AP3B2: variants seen among roughly 807,000 people sequenced by gnomAD.
The protein encoded by AP3B2 is AP-3 complex subunit beta-2.
Under a neutral mutation model 126.9 loss-of-function variants are expected in AP3B2, and 50 were observed. The ratio of observed to expected loss-of-function variants is 0.39; its 90% CI spans 0.31 to 0.50. The LOEUF is 0.50. Ranked by LOEUF, AP3B2 falls within the 20% of genes least tolerant of loss-of-function variation. The pLI is 0.79. For synonymous variants in AP3B2, 541 were observed against 565.0 expected (o/e 0.96, Z 0.60); for missense variants, 1,177 against 1,426.4 (o/e 0.83, Z 2.82).
In AP3B2 at chr15:82,659,676, C is replaced by T. The variant is rs959640052; in HGVS notation, c.3190G>A (p.Val1064Ile). ...GGCCGGGCATCCAGGGTCAGCAGAA[C>T]GAGGCTTCCACCAGTCAGTGTCCTC... is the stretch of plus-strand genomic sequence containing the variant. ...AGRTLTGGSL[V>I]LLTLDARPAG... Residue 1064 changes from valine to isoleucine, a missense_variant, in exon 27 of 27, where the codon GTT becomes ATT. Val to Ile is a conservative substitution (Grantham distance 29). Coordinates refer to ENST00000535359, the MANE Select transcript of AP3B2 (RefSeq NM_001278512.2). The T allele has an allele frequency of 7.4e-6, 12 of 1,613,754 alleles. No individual in the cohort carries two copies. Among genetic ancestry groups the T allele is most frequent in the South Asian group, 4.4e-5 (4 of 91,068 alleles).
At chr15:82,692,262 C>A (rs1156971107) in intron 1 of AP3B2, 4 of 840,192 alleles carry the variant, frequency 4.8e-6, no homozygotes, top group Non-Finnish European at 7.4e-6. Context: ...CTTGATCTTG[C>A]GGATCCGGCC....
Position 82,676,603 on chromosome 15 carries a change from A to G in AP3B2, c.1523T>C (p.Ile508Thr), listed in dbSNP as rs781108146. 43 of 1,614,008 alleles carry G rather than the reference A, an allele frequency of 2.7e-5. No individual in the cohort carries two copies. Among genetic ancestry groups the G allele is most frequent in the Non-Finnish European group, 3.6e-5 (43 of 1,179,888 alleles). ...PMARASILWL[I>T]GEYCEHVPRI... The stretch of plus-strand genomic sequence containing the variant: ...GGGGACATGCTCACAGTACTCTCCG[A>G]TGAGCCACAGGATGCTGGCTCGGGC... The change falls in exon 14 of 27, where the codon ATC becomes ACC. Residue 508 changes from isoleucine (I) to threonine (T), a missense_variant. Around this residue, in one of 5 missense-constraint regions of AP3B2, gnomAD observed 308 missense variants for 452.4 expected, o/e 0.68. Transcript: ENST00000535359.
rs1242806244 is a variant in AP3B2, at chr15:82,678,085, G to C, written c.1245+20C>G. The C allele has an allele frequency of 1.9e-6, 3 of 1,612,912 alleles. No individual in the cohort carries two copies. In the African/African-American group the frequency reaches 4.0e-5, roughly 22 times the overall value. On this transcript the variant is annotated intron_variant, in intron 11 of 26. Transcript: ENST00000535359. Reference sequence around the variant, plus strand: ...ATGGGCCCCTCTCCCAGGCCCTTCTGGCTGGGAGCTGGCCTGTACCTGGAA... The same window carrying C: ...ATGGGCCCCTCTCCCAGGCCCTTCTCGCTGGGAGCTGGCCTGTACCTGGAA...
intron 1 of AP3B2, among the ~76,000 whole-genome samples, chr15:82,706,319 A>G (rs1440953601): frequency 6.6e-6 from 1 of 152,216 alleles, no homozygotes; most frequent in Non-Finnish European, 1.5e-5. Context: ...ACTATGTGTC[A>G]ATATTTATAC....
rs2151428348 is a variant in AP3B2 at position 82,663,587 on chromosome 15, C to T, written c.2470G>A (p.Glu824Lys). The T allele has an allele frequency of 1.2e-6, 2 of 1,613,874 alleles. No homozygotes were observed. The highest frequency in any genetic ancestry group is 2.2e-5 in the East Asian group (1 of 44,882). Residue 824 changes from glutamate to lysine, a missense_variant, in exon 21 of 27, where the codon GAG becomes AAG. This residue lies in a region of AP3B2 where 587 missense variants were observed against 571.3 expected (regional missense o/e 1.03). Transcript: ENST00000535359. The part of the protein sequence containing the change: ...PSSKSAPATK[E>K]ISLLDLEDFT... ...TCCTCTAGATCAAGCAGGGAGATCTCCTTGGTTGCAGGAGCACTTTTGCTG... is the reference window on the plus strand; with the variant it reads ...TCCTCTAGATCAAGCAGGGAGATCTTCTTGGTTGCAGGAGCACTTTTGCTG...
chr15:82,689,200 C>T lies in AP3B2; in HGVS notation c.222G>A (p.Leu74=), dbSNP rs1310547720. Residue 74 remains leucine, a synonymous_variant, in exon 3 of 27, where the codon CTG becomes CTA. Transcript: ENST00000535359. ...MIARGKNASD[L]FPAVVKNVAC... The stretch of plus-strand genomic sequence containing the variant: ...CCACGTTCTTCACCACCGCGGGAAA[C>T]AGGTCTGAAGCATTCTTTCCTCGGG... 3.1e-6 allele frequency: 5 copies of T among 1,613,958 alleles called. No homozygotes were observed. In the South Asian group the frequency reaches 5.5e-5, roughly 18 times the overall value.
At chr15:82,706,612 T>G (rs1242612805) in intron 1 of AP3B2, among the ~76,000 whole-genome samples, 2 of 152,094 alleles carry the variant, frequency 1.3e-5, no homozygotes, top group South Asian at 4.1e-4. Context: ...TTCTCATCAG[T>G]CACTCCTACC....
At chr15:82,692,054 A>G in intron 1 of AP3B2, 2 of 1,488,502 alleles carry the variant, frequency 1.3e-6, no homozygotes, top group Non-Finnish European at 1.9e-6. Context: ...AGAACTCGGA[A>G]ATCAGATCTT....
chr15:82,671,960 T>C (rs903162903), intron 14 of AP3B2, among the ~76,000 whole-genome samples: 6 of 149,214 alleles, frequency 4.0e-5, no homozygotes, highest in Non-Finnish European at 6.0e-5. Context: ...AGGAGAATCG[T>C]TTGAACCTGG....
intron 25 of AP3B2, 71 bp from the exon 26 acceptor site, chr15:82,660,054 T>C: frequency 1.3e-6 from 2 of 1,548,720 alleles, no homozygotes; most frequent in Non-Finnish European, 1.8e-6. Flanking sequence ...GTCTGCTTAC[T>C]GAGCAACAAG....
chr15:82,669,555 G>A (rs368376678), intron 14 of AP3B2, among the ~76,000 whole-genome samples: 1 of 152,018 alleles, frequency 6.6e-6, no homozygotes, highest in Non-Finnish European at 1.5e-5. Flanking sequence ...AGCTGGATGT[G>A]GTGATGCACA....
At chr15:82,663,672 G>A (rs1180846978) in intron 20 of AP3B2, 52 bp from the exon 21 acceptor site, 3 of 1,612,594 alleles carry the variant, frequency 1.9e-6, no homozygotes, top group East Asian at 2.2e-5. Flanking sequence ...ACCTTGGCAT[G>A]TTCTGGGTTG....
intron 14 of AP3B2, among the ~76,000 whole-genome samples, chr15:82,673,721 T>C (rs1291892120): frequency 6.6e-6 from 1 of 152,240 alleles, no homozygotes; most frequent in Non-Finnish European, 1.5e-5. Context: ...ATTAATAGTT[T>C]AAACTTATAA....
At chr15:82,671,454 A>G (rs1430520859) in intron 14 of AP3B2, among the ~76,000 whole-genome samples, 1 of 152,070 alleles carries the variant, frequency 6.6e-6, no homozygotes, top group African/African-American at 2.4e-5. Context: ...AAAACTAAAC[A>G]TAGGCCGGGC....
chr15:82,700,727 C>T (rs1366066251), intron 1 of AP3B2, among the ~76,000 whole-genome samples: 1 of 151,650 alleles, frequency 6.6e-6, no homozygotes, highest in African/African-American at 2.4e-5. Flanking sequence ...GTATTTGAAA[C>T]CCCTTTGACC....
chr15:82,683,842 T>G lies in AP3B2; in HGVS notation c.361-2262A>C, dbSNP rs1400192094. 2.0e-5 allele frequency among the ~76,000 whole-genome samples: 3 copies of G among 152,232 alleles called. No individual in the cohort carries two copies. In the South Asian group the frequency reaches 6.2e-4, roughly 31 times the overall value. On this transcript the variant is annotated intron_variant, in intron 4 of 26. Transcript: ENST00000535359. ...AGAACTGATTTTGTGTTAGCAGGCATGAAATCATTAATCTCCTTGTACCTC... is the reference window on the plus strand; with the variant it reads ...AGAACTGATTTTGTGTTAGCAGGCAGGAAATCATTAATCTCCTTGTACCTC...
At chr15:82,662,346 C>T in intron 23 of AP3B2, 94 bp from the exon 24 acceptor site, 1 of 954,136 alleles carries the variant, frequency 1.0e-6, no homozygotes, top group Admixed American at 2.0e-5. Flanking sequence ...TCTCCACTGT[C>T]ACAGCTGACC....
At chr15:82,692,174 A>G in intron 1 of AP3B2, 1 of 1,470,874 alleles carries the variant, frequency 6.8e-7, no homozygotes, top group Non-Finnish European at 9.4e-7. Flanking sequence ...TATTTCTTCC[A>G]TAAATAGCAT....
At position 82,680,638 on chromosome 15, in the gene AP3B2, C is replaced by A; in HGVS notation, c.889G>T (p.Val297Phe). The change falls in exon 8 of 27, where the codon GTC (valine) becomes TTC (phenylalanine). Residue 297 changes from valine (V) to phenylalanine (F), a missense_variant. Physicochemically the swap from Val to Phe is conservative, Grantham distance 50. Transcript: ENST00000535359. This position sits in a 1 kb window ranked among gnomAD's most constrained non-coding sequence, Gnocchi z 6.1. ...AGCAGCCGGTGGTCGGGGTCCATGA[C>A]ATAGGGCTTTCGGGAGGGGGCGGCC... ...AAAAPSRKPY[V>F]MDPDHRLLLR... The A allele has an allele frequency of 1.9e-6, 3 of 1,591,238 alleles. No homozygotes were observed. The highest frequency in any genetic ancestry group is 2.6e-6 in the Non-Finnish European group (3 of 1,173,668).
Sources: allele counts gnomAD v4.1 joint callset (sites outside exome capture counted in the v4.1 genomes callset), GRCh38; gene constraint gnomAD v4.1.1; regional missense constraint gnomAD v4.1.1; non-coding constraint Gnocchi (gnomAD v3.1); transcripts MANE v1.5; gene names NCBI Gene and HGNC (gene_info 2026-07-23, HGNC 2026-07-21).